The following CHIA variants were observed in gnomAD, a reference collection of about 807,000 sequenced individuals.
CHIA encodes chitinase acidic, also known as acidic mammalian chitinase.
A neutral mutation model predicts 53.5 loss-of-function variants in CHIA; 47 were observed. That is an observed-to-expected ratio of 0.88 (90% CI 0.70 to 1.12). The LOEUF (loss-of-function observed/expected upper bound fraction) is 1.12, where lower values mean the gene tolerates loss of function less well. CHIA is among the 50% of genes most tolerant of loss of function. The probability of loss-of-function intolerance (pLI) is 0.00; values close to 1 mark genes in which losing one functional copy is unlikely to be tolerated. For synonymous variants in CHIA, 268 were observed against 222.2 expected (o/e 1.21, Z -1.83); for missense variants, 652 against 592.2 (o/e 1.10, Z -1.05).
intron 5 of CHIA, chr1:111,315,031 A>G: frequency 2.2e-6 from 1 of 463,500 alleles, no homozygotes; most frequent in South Asian, 3.6e-5. Context: ...CCAAAGAAAC[A>G]AGGGCAACTT....
chr1:111,291,411 C>G (rs1571253461), intron 1 of CHIA, among the ~76,000 whole-genome samples: 1 of 151,976 alleles, frequency 6.6e-6, no homozygotes, highest in Admixed American at 6.5e-5. Flanking sequence ...AACACAGAAA[C>G]AGAAAACTAA....
rs929596524 is a variant in CHIA at position 111,290,882 on chromosome 1, C to T, written c.-137C>T. 11 of 469,004 alleles carry T rather than the reference C, an allele frequency of 2.3e-5. No individual in the cohort carries two copies. Among genetic ancestry groups the T allele is most frequent in the African/African-American group, 1.2e-4 (6 of 50,034 alleles). 29.1% of individuals were successfully genotyped at this position (469,004 alleles called of 1,614,324 possible). ...TTCATGAAACCTCCTCGTCTGTGCA[C>T]GAACAGGTGGCCGACTCTGGAGCCC... On this transcript the variant is annotated 5_prime_UTR_variant, in exon 1 of 12. It adds an upstream start codon to the 5' untranslated region. Transcript: ENST00000369740.
chr1:111,310,276 G>A, intron 1 of CHIA, 124 bp from the exon 2 acceptor site: 1 of 1,133,464 alleles, frequency 8.8e-7, no homozygotes, highest in Non-Finnish European at 1.2e-6. Context: ...GGGCAGAGAA[G>A]GTGGTGATGC....
rs960232560 is a variant in CHIA at position 111,310,311 on chromosome 1, A to C, written c.-68-89A>C. ...CTGGTGGTGGGAGGGTGTAGGTTGA[A>C]GGTCTTGGGAGGGTGTTTGTAGAAG... On this transcript the variant is annotated intron_variant, in intron 1 of 11. Coordinates refer to ENST00000369740, the MANE Select transcript of CHIA (RefSeq NM_201653.4). The C allele has an allele frequency of 2.2e-5, 31 of 1,418,470 alleles. 1 individual carries two copies. Among genetic ancestry groups the C allele is most frequent in the East Asian group, 1.0e-4 (4 of 39,692 alleles). The allele number at this position is 1,418,470 out of a possible 1,614,324, so 87.9% of individuals were successfully genotyped here.
intron 1 of CHIA, among the ~76,000 whole-genome samples, chr1:111,305,628 C>A (rs568976927): frequency 8.7e-4 from 133 of 152,318 alleles, no homozygotes; most frequent in African/African-American, 3.1e-3. Flanking sequence ...TCTGAAGTTG[C>A]AAGCCTTTAA....
chr1:111,294,541 A>G (rs1557730259), intron 1 of CHIA, among the ~76,000 whole-genome samples: 1 of 152,146 alleles, frequency 6.6e-6, no homozygotes, highest in Non-Finnish European at 1.5e-5. Context: ...GATGCCTTTT[A>G]TGTCTTATTT....
intron 1 of CHIA, among the ~76,000 whole-genome samples, chr1:111,295,687 G>A (rs1352144214): frequency 1.3e-5 from 2 of 151,606 alleles, no homozygotes; most frequent in Admixed American, 6.6e-5. Context: ...TGAGGTACCG[G>A]GTTCATCTCA....
chr1:111,293,833 GC>G (rs1158822168), intron 1 of CHIA, among the ~76,000 whole-genome samples: 2 of 152,128 alleles, frequency 1.3e-5, no homozygotes, highest in Non-Finnish European at 2.9e-5. Flanking sequence ...TAACTCCAGT[GC>G]TTTGAGAGGC....
At chr1:111,295,822 C>A (rs1342989128) in intron 1 of CHIA, among the ~76,000 whole-genome samples, 1 of 152,204 alleles carries the variant, frequency 6.6e-6, no homozygotes, top group Non-Finnish European at 1.5e-5. Context: ...GAAGCCATGG[C>A]AGACTGTACC....
At chr1:111,303,299 G>T (rs2101620608) in intron 1 of CHIA, among the ~76,000 whole-genome samples, 1 of 151,928 alleles carries the variant, frequency 6.6e-6, no homozygotes, top group East Asian at 1.9e-4. Context: ...TTAATTATTT[G>T]TTTCCTATAT....
In CHIA at chr1:111,314,600, A is replaced by G; in HGVS notation, c.314+4A>G. 1 of 1,610,612 alleles carries G rather than the reference A, an allele frequency of 6.2e-7. No individual in the cohort carries two copies. Among genetic ancestry groups the G allele is most frequent in the Non-Finnish European group, 8.5e-7 (1 of 1,176,824 alleles). ...GCTGGAACTTCGGGACTGCCCCGTA[A>G]GTCTTCTATGGAGAGCATGTTGTTC... On this transcript the variant is annotated splice_donor_region_variant and intron_variant, in intron 5 of 11. Transcript: ENST00000369740.
chr1:111,302,610 G>A (rs1306308188), intron 1 of CHIA, among the ~76,000 whole-genome samples: 2 of 152,256 alleles, frequency 1.3e-5, no homozygotes, highest in East Asian at 1.9e-4. Context: ...GGTTGGAGAA[G>A]ATACTTTGTA....
chr1:111,303,832 A>G (rs1471622371), intron 1 of CHIA, among the ~76,000 whole-genome samples: 1 of 152,144 alleles, frequency 6.6e-6, no homozygotes, highest in Non-Finnish European at 1.5e-5. Flanking sequence ...TTTTACTGAG[A>G]ACTTTGTTTA....
intron 5 of CHIA, 45 bp from the exon 6 acceptor site, chr1:111,315,225 T>G: frequency 6.7e-7 from 1 of 1,492,584 alleles, no homozygotes; most frequent in Non-Finnish European, 9.3e-7. Context: ...TCCAAGGTGT[T>G]GGGACCACCA....
chr1:111,306,034 G>T (rs1302181977), intron 1 of CHIA, among the ~76,000 whole-genome samples: 1 of 152,146 alleles, frequency 6.6e-6, no homozygotes, highest in Non-Finnish European at 1.5e-5. Context: ...AGATGTGAAA[G>T]ACTACTATGG....
At chr1:111,316,753 A>C (rs1649194535) in intron 6 of CHIA, 1 of 152,226 alleles carries the variant, frequency 6.6e-6, no homozygotes, top group African/African-American at 2.4e-5. Context: ...ACTGTCTCCC[A>C]AGACAGATTG....
chr1:111,314,319 C>G (rs1648963555), intron 4 of CHIA, among the ~76,000 whole-genome samples: 1 of 152,082 alleles, frequency 6.6e-6, no homozygotes, highest in Admixed American at 6.5e-5. Flanking sequence ...TTTTTTAAAG[C>G]CCAGTTTCAA....
intron 5 of CHIA, 57 bp from the exon 6 acceptor site, chr1:111,315,213 A>G (rs1007505117): frequency 7.6e-7 from 1 of 1,313,316 alleles, no homozygotes; most frequent in African/African-American, 1.4e-5. Flanking sequence ...GCTTGATTTT[A>G]CTCCAAGGTG....
At chr1:111,310,584 A>G (rs1648588730) in intron 2 of CHIA, 92 bp downstream of exon 2, 1 of 1,573,860 alleles carries the variant, frequency 6.4e-7, no homozygotes, top group East Asian at 2.3e-5. Context: ...TTCATACTAC[A>G]TCCCTATACT....
Sources: allele counts gnomAD v4.1 joint callset (sites outside exome capture counted in the v4.1 genomes callset), GRCh38; gene constraint gnomAD v4.1.1; transcripts MANE v1.5; gene names NCBI Gene and HGNC (gene_info 2026-07-23, HGNC 2026-07-21).